The following ZNF425 variants were observed in gnomAD, a reference collection of about 807,000 sequenced individuals.
ZNF425 encodes the protein zinc finger protein 425.
Under a neutral mutation model 17.0 loss-of-function variants are expected in ZNF425, and 21 were observed. The ratio of observed to expected loss-of-function variants is 1.23; its 90% CI spans 0.88 to 1.78. The LOEUF is 1.78. ZNF425 is among the 40% of genes most tolerant of loss of function. ZNF425 has a pLI of 0.00. For synonymous variants in ZNF425, 433 were observed against 384.1 expected (o/e 1.13, Z -1.49); for missense variants, 868 against 967.3 (o/e 0.90, Z 1.36).
At position 149,104,125 on chromosome 7, in the gene ZNF425, G is replaced by GTC. The variant is rs1478077653; in HGVS notation, c.1745_1746insGA (p.Phe582LeufsTer21). The stretch of plus-strand genomic sequence containing the variant: ...AGGTCTTGTCACACTCACCGCACGC[G>GTC]AAGGGCTTCTCGTCCCTGTGCATCC... On this transcript the variant is annotated frameshift_variant, in exon 4 of 4. Transcript: ENST00000378061. LOFTEE classifies it low-confidence loss of function (END_TRUNC). The surrounding 1 kb of genome is among the most constrained non-coding windows in gnomAD (Gnocchi z 4.3). 1 of 1,612,510 alleles carries GTC rather than the reference G, an allele frequency of 6.2e-7. No individual in the cohort carries two copies. Among genetic ancestry groups the GTC allele is most frequent in the South Asian group, 1.1e-5 (1 of 91,050 alleles).
chr7:149,123,913 T>A lies in ZNF425; in HGVS notation c.18+2283A>T, dbSNP rs531478821. Among the ~76,000 whole-genome samples the A allele has an allele frequency of 1.6e-4, 24 of 149,416 alleles. No homozygotes were observed. In the East Asian group the frequency reaches 4.7e-3, roughly 29 times the overall value. ...CCCAGACTGGAGAGCAGTGATGCCA[T>A]CTCGGCTCACTGCAAGCTCCGCCTC... On this transcript the variant is annotated intron_variant, in intron 1 of 3. Transcript: ENST00000378061.
At chr7:149,118,196 A>T (rs373491518) in intron 2 of ZNF425, 26 bp downstream of exon 2, 1 of 1,613,804 alleles carries the variant, frequency 6.2e-7, no homozygotes, top group Non-Finnish European at 8.5e-7. Flanking sequence ...GTTCCTAAAA[A>T]GTGATTCCTT....
rs141394431 is a variant in ZNF425, at chr7:149,103,240, A to C, written c.*372T>G. ...TGTGATTTTTTTTCTTTTTTGAGAC[A>C]AGATCTTGCTCTGTCACCCAGGCTG... On this transcript the variant is annotated 3_prime_UTR_variant, in exon 4 of 4. Transcript: ENST00000378061. The C allele has an allele frequency of 0.013, 2,321 of 185,470 alleles. 16 individuals carry two copies. Among genetic ancestry groups the C allele is most frequent in the African/African-American group, 0.023 (979 of 42,560 alleles). The allele number at this position is 185,470 out of a possible 1,614,324, so 11.5% of individuals were successfully genotyped here.
chr7:149,110,123 TC>T (rs1428555819), intron 3 of ZNF425, among the ~76,000 whole-genome samples: 1 of 151,094 alleles, frequency 6.6e-6, no homozygotes, highest in Non-Finnish European at 1.5e-5. Flanking sequence ...TGATCCGACC[TC>T]CTCAGCCTCC....
chr7:149,113,585 T>TCG (rs890781801), intron 2 of ZNF425: 1 of 139,410 alleles, frequency 7.2e-6, no homozygotes, highest in Non-Finnish European at 1.5e-5. Context: ...GGAGTCTCAC[T>TCG]CTGTCGCCCA....
At chr7:149,123,999 C>A (rs1038812315) in intron 1 of ZNF425, among the ~76,000 whole-genome samples, 1 of 151,446 alleles carries the variant, frequency 6.6e-6, no homozygotes, top group Admixed American at 6.6e-5. Context: ...AGGCGCCCAC[C>A]ACCACACCCG....
In ZNF425 at chr7:149,112,186, A is replaced by T. The variant is rs779743171; in HGVS notation, c.255T>A (p.Pro85=). 6.2e-7 allele frequency: 1 copy of T among 1,614,144 alleles called. No individual in the cohort carries two copies. Among genetic ancestry groups the T allele is most frequent in the Non-Finnish European group, 8.5e-7 (1 of 1,179,992 alleles). ...TCTTCATGTTCAACTGTTCATCAGTAGGAGGGCTAGTTGTCCTTCTTGTTT... is the reference window on the plus strand; with the variant it reads ...TCTTCATGTTCAACTGTTCATCAGTTGGAGGGCTAGTTGTCCTTCTTGTTT... ...LDKTRRTTSP[P]TDEQLNMKNT... The change falls in exon 3 of 4, where the codon CCT becomes CCA. Residue 85 remains proline (P), a synonymous_variant. Coordinates refer to ENST00000378061, the MANE Select transcript of ZNF425 (RefSeq NM_001001661.3).
chr7:149,124,890 A>G (rs1479914569), intron 1 of ZNF425, among the ~76,000 whole-genome samples: 2 of 152,244 alleles, frequency 1.3e-5, no homozygotes, highest in Admixed American at 6.5e-5. Flanking sequence ...CACATTTACA[A>G]TTAGCATTAA....
rs1229376872 is a variant in ZNF425 at position 149,103,323 on chromosome 7, C to G, written c.*289G>C. 5 of 337,748 alleles carry G rather than the reference C, an allele frequency of 1.5e-5. No individual in the cohort carries two copies. The highest frequency in any genetic ancestry group is 1.1e-5 in the Non-Finnish European group (2 of 185,186). 20.9% of individuals were successfully genotyped at this position (337,748 alleles called of 1,614,324 possible). A position where few individuals can be genotyped will look rare whatever the true frequency, so the allele number is the denominator to read the frequency against. On this transcript the variant is annotated 3_prime_UTR_variant, in exon 4 of 4. Coordinates refer to ENST00000378061, the MANE Select transcript of ZNF425 (RefSeq NM_001001661.3). ...CCTCTGCCTCCTGGGCTCAAGCGAT[C>G]CTCCTGCCTCAACCTCCCAAAGTAG...
At chr7:149,122,064 C>T (rs997923230) in intron 1 of ZNF425, among the ~76,000 whole-genome samples, 1 of 150,530 alleles carries the variant, frequency 6.6e-6, no homozygotes, top group African/African-American at 2.4e-5. Context: ...TACAGGCACC[C>T]GTCACCACCG....
chr7:149,107,922 G>A (rs1826107635), intron 3 of ZNF425, among the ~76,000 whole-genome samples: 1 of 151,468 alleles, frequency 6.6e-6, no homozygotes. Context: ...CTAGAGTGCA[G>A]TGGCATGATC....
At position 149,103,639 on chromosome 7, in the gene ZNF425, A is replaced by G. The variant is rs781340186; in HGVS notation, c.2232T>C (p.His744=). The G allele has an allele frequency of 5.0e-6, 8 of 1,610,098 alleles. No individual in the cohort carries two copies. The highest frequency in any genetic ancestry group is 6.8e-6 in the Non-Finnish European group (8 of 1,178,634). The change falls in exon 4 of 4, where the codon CAT becomes CAC. Residue 744 remains histidine, a synonymous_variant. Coordinates refer to ENST00000378061, the MANE Select transcript of ZNF425 (RefSeq NM_001001661.3). ...VGALKTHIAV[H]AKEKPSSL is the part of the protein sequence containing the mutation. The stretch of plus-strand genomic sequence containing the variant: ...AGAGGCTGGAGGGCTTCTCTTTGGC[A>G]TGCACTGCAATGTGGGTCTTGAGCG...
rs541635259 is a variant in ZNF425, at chr7:149,124,644, C to A, written c.18+1552G>T. Among the ~76,000 whole-genome samples, 11 of 152,208 alleles carry A rather than the reference C, an allele frequency of 7.2e-5. No homozygotes were observed. The East Asian group carries it at 2.1e-3, about 29-fold the overall frequency. Reference sequence around the variant, plus strand: ...TCAACCTCTGCCTCCTGGGTTCAAGCGATTCTCTTGCCTCAGCCTCCCCAG... The same window carrying A: ...TCAACCTCTGCCTCCTGGGTTCAAGAGATTCTCTTGCCTCAGCCTCCCCAG... On this transcript the variant is annotated intron_variant, in intron 1 of 3. Transcript: ENST00000378061.
At position 149,107,438 on chromosome 7, in the gene ZNF425, T is replaced by C. The variant is rs188094814; in HGVS notation, c.305-1872A>G. Among the ~76,000 whole-genome samples the C allele has an allele frequency of 4.4e-3, 670 of 151,704 alleles. 11 individuals are homozygous for C. The highest frequency in any genetic ancestry group is 0.042 in the East Asian group (217 of 5,140). The stretch of plus-strand genomic sequence containing the variant: ...CTGCAAGCTCCACCTCCCGGGTTCA[T>C]GCCATTCTCCTGCCTCAGCCTCCTG... On this transcript the variant is annotated intron_variant, in intron 3 of 3. Coordinates refer to ENST00000378061, the MANE Select transcript of ZNF425 (RefSeq NM_001001661.3).
chr7:149,109,533 T>TCTCTCCTCCG (rs911913219), intron 3 of ZNF425, among the ~76,000 whole-genome samples: 3 of 152,178 alleles, frequency 2.0e-5, no homozygotes, highest in African/African-American at 7.2e-5. Context: ...GATATTGCTC[T>TCTCTCCTCCG]CTCTCCTCCG....
In ZNF425 at chr7:149,104,690, T is replaced by C; in HGVS notation, c.1181A>G (p.Lys394Arg). Reference sequence around the variant, plus strand: ...GTCCAGCTTAATCTTGTAGATGAATTTCCTGCCACATTCACCACAAGAAAA... The same window carrying C: ...GTCCAGCTTAATCTTGTAGATGAATCTCCTGCCACATTCACCACAAGAAAA... Reference protein sequence around the residue: ...KPFSCGECGRKFIYKIKLDEH... With the variant: ...KPFSCGECGRRFIYKIKLDEH... Residue 394 changes from lysine to arginine, a missense_variant, in exon 4 of 4, where the codon AAA becomes AGA. By Grantham distance (26) the Lys-to-Arg change is conservative. Coordinates refer to ENST00000378061, the MANE Select transcript of ZNF425 (RefSeq NM_001001661.3). This position sits in a 1 kb window ranked among gnomAD's most constrained non-coding sequence, Gnocchi z 4.3. 6.2e-7 allele frequency: 1 copy of C among 1,613,924 alleles called. No homozygotes were observed. Among genetic ancestry groups the C allele is most frequent in the Non-Finnish European group, 8.5e-7 (1 of 1,180,036 alleles).
intron 1 of ZNF425, among the ~76,000 whole-genome samples, chr7:149,121,079 C>CTTTTTTTT (rs75534831): frequency 3.2e-5 from 2 of 62,756 alleles, no homozygotes; most frequent in African/African-American, 1.7e-4. Context: ...TTTTACATTC[C>CTTTTTTTT]TTTTTTTTTT....
rs1826299394 is a variant in ZNF425, at chr7:149,118,275, T to C, written c.92A>G (p.Lys31Arg). 2 of 1,614,150 alleles carry C rather than the reference T, an allele frequency of 1.2e-6. No homozygotes were observed. The highest frequency in any genetic ancestry group is 1.3e-5 in the African/African-American group (1 of 75,054). Reference protein sequence around the residue: ...QEWEILEKWQKQMYKQEMKTN... With the variant: ...QEWEILEKWQRQMYKQEMKTN... The stretch of plus-strand genomic sequence containing the variant: ...CTTCATCTCTTGCTTATACATTTGC[T>C]TCTGCCACTTCTCCAGGATCTCCCA... Residue 31 changes from lysine (K) to arginine (R), a missense_variant, in exon 2 of 4, where the codon AAG becomes AGG. Physicochemically the swap from Lys to Arg is conservative, Grantham distance 26 (BLOSUM62 2). Coordinates refer to ENST00000378061, the MANE Select transcript of ZNF425 (RefSeq NM_001001661.3).
At chr7:149,117,927 C>G (rs1826293030) in intron 2 of ZNF425, among the ~76,000 whole-genome samples, 1 of 152,082 alleles carries the variant, frequency 6.6e-6, no homozygotes. Context: ...GCTGGGATTA[C>G]AGGCGTGAGC....
Sources: gnomAD v4.1 joint callset for allele counts (sites outside exome capture counted in the v4.1 genomes callset) on GRCh38, gnomAD v4.1.1 for gene constraint, Gnocchi (gnomAD v3.1) non-coding constraint, MANE v1.5 for transcripts, NCBI Gene and HGNC (gene_info 2026-07-23, HGNC 2026-07-21) for gene names.